The following SEL1L3 variants were observed in gnomAD, a reference collection of about 807,000 sequenced individuals.
SEL1L3 encodes the protein SEL1L family member 3, also known as protein sel-1 homolog 3.
Under a neutral mutation model 142.8 loss-of-function variants are expected in SEL1L3, and 76 were observed. The observed-to-expected ratio is 0.53, with a 90% confidence interval of 0.44 to 0.64. The LOEUF (loss-of-function observed/expected upper bound fraction) is 0.64, where lower values mean the gene tolerates loss of function less well. Ranked by LOEUF, SEL1L3 falls within the 30% of genes least tolerant of loss-of-function variation. The pLI, the probability that SEL1L3 is intolerant of heterozygous loss-of-function variation, is 0.00. For missense variants in SEL1L3, 1,262 were observed against 1,381.7 expected (o/e 0.91, Z 1.37); for synonymous variants, 504 against 519.6 (o/e 0.97, Z 0.41).
At chr4:25,735,233 C>T in the SEL1L3 span, among the ~76,000 whole-genome samples, 4 of 151,890 alleles carry the variant, frequency 2.6e-5, no homozygotes, top group Non-Finnish European at 5.9e-5. Flanking sequence ...CCTATGAAGA[C>T]AGGGTCTTGC....
At chr4:25,784,094 G>T in intron 14 of SEL1L3, 134 bp downstream of exon 14, 1 of 738,412 alleles carries the variant, frequency 1.4e-6, no homozygotes, top group South Asian at 1.6e-5. Flanking sequence ...CCGTGCTGGC[G>T]ACCAACTGCT....
intron 3 of SEL1L3, 75 bp downstream of exon 3, chr4:25,835,122 C>T: frequency 6.5e-7 from 1 of 1,543,994 alleles, no homozygotes. Context: ...CTAAGGAATT[C>T]TTCCACTAGC....
At position 25,810,993 on chromosome 4, in the gene SEL1L3, G is replaced by A. The variant is rs1361910542; in HGVS notation, c.1565-6241C>T. Among the ~76,000 whole-genome samples, 7 of 152,168 alleles carry A rather than the reference G, an allele frequency of 4.6e-5. No homozygotes were observed. In the East Asian group the frequency reaches 5.8e-4, roughly 13 times the overall value. ...CAGCTGTGTCTTATACCAGGTTAGC[G>A]CATCAGCTGTCAACTCTCAATGAGC... On this transcript the variant is annotated intron_variant, in intron 9 of 23. Transcript: ENST00000399878.
chr4:25,814,702 C>T (rs1372665396), intron 9 of SEL1L3, among the ~76,000 whole-genome samples: 2 of 152,130 alleles, frequency 1.3e-5, no homozygotes, highest in African/African-American at 4.8e-5. Context: ...TAGCGTCACA[C>T]TCGTCTTACT....
At chr4:25,859,761 A>G (rs977892072) in intron 1 of SEL1L3, among the ~76,000 whole-genome samples, 1 of 152,202 alleles carries the variant, frequency 6.6e-6, no homozygotes, top group Non-Finnish European at 1.5e-5. Flanking sequence ...GGACTACATA[A>G]AAACCCCAAA....
intron 6 of SEL1L3, among the ~76,000 whole-genome samples, chr4:25,828,802 G>T (rs562247101): frequency 6.6e-6 from 1 of 152,026 alleles, no homozygotes; most frequent in Non-Finnish European, 1.5e-5. Flanking sequence ...TGGGTTGTGC[G>T]GGACTCTGCG....
intron 1 of SEL1L3, among the ~76,000 whole-genome samples, chr4:25,851,544 TG>T (rs1716898244): frequency 6.6e-6 from 1 of 152,128 alleles, no homozygotes; most frequent in Admixed American, 6.5e-5. Flanking sequence ...ACTTTTGAAT[TG>T]TGTACTACAC....
At chr4:25,724,007 C>A in the SEL1L3 span, among the ~76,000 whole-genome samples, 1 of 152,216 alleles carries the variant, frequency 6.6e-6, no homozygotes, top group Non-Finnish European at 1.5e-5. Flanking sequence ...AGAAAATATT[C>A]TCTCCCTCAT....
At chr4:25,858,379 G>A (rs1021144334) in intron 1 of SEL1L3, among the ~76,000 whole-genome samples, 21 of 152,086 alleles carry the variant, frequency 1.4e-4, no homozygotes, top group African/African-American at 3.6e-4. Context: ...TCTTTACCTC[G>A]TTTTGATCTT....
intron 2 of SEL1L3, among the ~76,000 whole-genome samples, chr4:25,841,366 C>A (rs1271804289): frequency 1.3e-5 from 2 of 152,206 alleles, no homozygotes; most frequent in African/African-American, 4.8e-5. Context: ...CTCTACACAT[C>A]CTTCAAGTCT....
chr4:25,863,008 C>A (rs1717849361), upstream of SEL1L3: 2 of 219,040 alleles, frequency 9.1e-6, no homozygotes, highest in African/African-American at 2.4e-5. Context: ...GCCGTCGCCG[C>A]CCCCGCAGCC....
chr4:25,764,785 C>T (rs143263167), intron 20 of SEL1L3, among the ~76,000 whole-genome samples: 5 of 152,172 alleles, frequency 3.3e-5, no homozygotes, highest in East Asian at 1.9e-4. Flanking sequence ...TATAATAATC[C>T]GCACCCCCAC....
intron 23 of SEL1L3, among the ~76,000 whole-genome samples, chr4:25,754,736 C>T (rs935201985): frequency 1.3e-5 from 2 of 152,104 alleles, no homozygotes; most frequent in African/African-American, 2.4e-5. Context: ...ATCTACTGAA[C>T]TAGAATCTGC....
At chr4:25,792,190 T>G (rs544349156) in intron 11 of SEL1L3, among the ~76,000 whole-genome samples, 41 of 151,810 alleles carry the variant, frequency 2.7e-4, no homozygotes, top group Non-Finnish European at 4.4e-4. Flanking sequence ...AGATACGTGG[T>G]ATTTTTTTCC....
At chr4:25,823,631 G>A (rs1714909531) in intron 6 of SEL1L3, among the ~76,000 whole-genome samples, 2 of 152,150 alleles carry the variant, frequency 1.3e-5, no homozygotes, top group African/African-American at 4.8e-5. Context: ...CAGAGCATAT[G>A]TGAACAGTGA....
intron 3 of SEL1L3, among the ~76,000 whole-genome samples, chr4:25,834,810 T>C (rs1577675541): frequency 6.6e-6 from 1 of 152,278 alleles, no homozygotes; most frequent in South Asian, 2.1e-4. Context: ...CTGAAATCAA[T>C]GGAGGAGATC....
the SEL1L3 span, among the ~76,000 whole-genome samples, chr4:25,739,322 T>C: frequency 1.3e-5 from 2 of 152,172 alleles, no homozygotes; most frequent in Admixed American, 1.3e-4. Context: ...ATAGAGATGT[T>C]GCTAAACATC....
the SEL1L3 span, among the ~76,000 whole-genome samples, chr4:25,728,798 G>T: frequency 2.2e-4 from 33 of 151,206 alleles, no homozygotes; most frequent in African/African-American, 7.5e-4. Flanking sequence ...GCTTGAGCCC[G>T]GGAGGCAGAG....
intron 23 of SEL1L3, among the ~76,000 whole-genome samples, chr4:25,755,299 C>T (rs922253102): frequency 3.3e-5 from 5 of 151,260 alleles, no homozygotes; most frequent in South Asian, 2.1e-4. Context: ...AATGGGGTCT[C>T]GCTATGTTGC....
Sources: gnomAD v4.1 joint callset for allele counts (sites outside exome capture counted in the v4.1 genomes callset) on GRCh38, gnomAD v4.1.1 for gene constraint, MANE v1.5 for transcripts, NCBI Gene and HGNC (gene_info 2026-07-23, HGNC 2026-07-21) for gene names.